GLIS1: variants seen among roughly 807,000 people sequenced by gnomAD.
GLIS1 encodes zinc finger protein GLIS1.
Under a neutral mutation model 63.8 loss-of-function variants are expected in GLIS1, and 24 were observed. The observed-to-expected ratio is 0.38, with a 90% CI of 0.27 to 0.53. The LOEUF (loss-of-function observed/expected upper bound fraction) is 0.53. Ranked by LOEUF, GLIS1 falls within the 20% of genes least tolerant of loss-of-function variation. The pLI is 0.85. For synonymous variants in GLIS1, 450 were observed against 482.5 expected (o/e 0.93, Z 0.88); for missense variants, 1,036 against 1,074.1 (o/e 0.96, Z 0.50).
At chr1:53,653,190 C>T (rs1432757021) in intron 2 of GLIS1, among the ~76,000 whole-genome samples, 1 of 152,212 alleles carries the variant, frequency 6.6e-6, no homozygotes, top group Non-Finnish European at 1.5e-5. Flanking sequence ...GAAAAAGTGG[C>T]TGGGGATATT....
chr1:53,689,764 AC>A (rs1646381742), intron 2 of GLIS1, among the ~76,000 whole-genome samples: 1 of 152,046 alleles, frequency 6.6e-6, no homozygotes, highest in Admixed American at 6.5e-5. Flanking sequence ...GTGATGTGTT[AC>A]CCCCACCAGG....
At chr1:53,699,720 T>C (rs1646503302) in intron 2 of GLIS1, among the ~76,000 whole-genome samples, 1 of 152,170 alleles carries the variant, frequency 6.6e-6, no homozygotes, top group Admixed American at 6.5e-5. Context: ...GATGCCAGCA[T>C]GATTGGTTTC....
intron 2 of GLIS1, among the ~76,000 whole-genome samples, chr1:53,670,770 C>T (rs377504629): frequency 3.2e-4 from 49 of 152,336 alleles, no homozygotes; most frequent in African/African-American, 1.1e-3. Context: ...GCCTAAGGTG[C>T]CTTGTTCATC....
intron 2 of GLIS1, among the ~76,000 whole-genome samples, chr1:53,609,457 G>C (rs1349853973): frequency 6.6e-6 from 1 of 151,770 alleles, no homozygotes. Context: ...TTTTAGTAGA[G>C]ATGGGGTTTT....
intron 2 of GLIS1, among the ~76,000 whole-genome samples, chr1:53,604,200 C>T (rs1645346948): frequency 6.6e-6 from 1 of 152,094 alleles, no homozygotes; most frequent in African/African-American, 2.4e-5. Flanking sequence ...GAGATGGGGA[C>T]CTGTAAGGGA....
rs772867545 is a variant in GLIS1, at chr1:53,646,827, G to A, written c.260-46549C>T. Among the ~76,000 whole-genome samples the A allele has an allele frequency of 9.3e-4, 136 of 145,838 alleles. No homozygotes were observed. The highest frequency in any genetic ancestry group is 1.1e-3 in the Non-Finnish European group (71 of 66,738). ...TCTGTCTCAAAAAAGAAAGAAGAAA[G>A]GAAAGAGAGAGAGAGAGAAAGAGAG... On this transcript the variant is annotated intron_variant, in intron 2 of 10. Coordinates refer to ENST00000628545, the MANE Select transcript of GLIS1 (RefSeq NM_001367484.1). The surrounding 1 kb of genome is among the most constrained non-coding windows in gnomAD (Gnocchi z 4.2).
intron 4 of GLIS1, among the ~76,000 whole-genome samples, chr1:53,550,113 G>T (rs1644743697): frequency 6.6e-6 from 1 of 152,204 alleles, no homozygotes; most frequent in South Asian, 2.1e-4. Flanking sequence ...TGCCAGCCCT[G>T]TATTCAATTT....
chr1:53,556,062 GGT>G (rs1644819528), intron 4 of GLIS1, among the ~76,000 whole-genome samples: 1 of 129,074 alleles, frequency 7.7e-6, no homozygotes, highest in African/African-American at 3.1e-5. Context: ...TGTGTATGCA[GGT>G]ATACTGTAGG....
At chr1:53,568,461 T>G (rs1185188901) in intron 4 of GLIS1, among the ~76,000 whole-genome samples, 3 of 152,204 alleles carry the variant, frequency 2.0e-5, no homozygotes, top group Non-Finnish European at 4.4e-5. Flanking sequence ...TGGAATTAGT[T>G]AAGACTTTGG....
intron 4 of GLIS1, among the ~76,000 whole-genome samples, chr1:53,542,302 G>A (rs1368656480): frequency 2.6e-5 from 4 of 152,248 alleles, no homozygotes; most frequent in African/African-American, 9.6e-5. Flanking sequence ...GCAAATTCCT[G>A]GCTTTTGGGT....
At position 53,529,972 on chromosome 1, in the gene GLIS1, G is replaced by A; in HGVS notation, c.1321-20C>T. 1 of 1,609,096 alleles carries A rather than the reference G, an allele frequency of 6.2e-7. No individual in the cohort carries two copies. The highest frequency in any genetic ancestry group is 1.7e-4 in the Middle Eastern group (1 of 5,956). On this transcript the variant is annotated intron_variant, in intron 4 of 10. Transcript: ENST00000628545. ...TTCAAACTGCAGGAGAGGCTGGTGA[G>A]GGGAACTCCCAGCCCGGTGGGCACC...
At position 53,574,146 on chromosome 1, in the gene GLIS1, T is replaced by C. The variant is rs1645010048; in HGVS notation, c.1320+19962A>G. 1.3e-5 allele frequency among the ~76,000 whole-genome samples: 2 copies of C among 152,182 alleles called. No homozygotes were observed. Among genetic ancestry groups the C allele is most frequent in the African/African-American group, 4.8e-5 (2 of 41,448 alleles). The stretch of plus-strand genomic sequence containing the variant: ...ACCACCCACACCTCTGTGGTCCTGG[T>C]TCCAAGTTCCTTCCAGGGCACTGTC... On this transcript the variant is annotated intron_variant, in intron 4 of 10. Coordinates refer to ENST00000628545, the MANE Select transcript of GLIS1 (RefSeq NM_001367484.1). This position sits in a 1 kb window ranked among gnomAD's most constrained non-coding sequence, Gnocchi z 4.2.
intron 2 of GLIS1, among the ~76,000 whole-genome samples, chr1:53,726,778 C>T (rs1272010719): frequency 6.6e-6 from 1 of 152,210 alleles, no homozygotes; most frequent in Non-Finnish European, 1.5e-5. Flanking sequence ...TCCATCTCTG[C>T]AGCTCAAGCC....
intron 2 of GLIS1, among the ~76,000 whole-genome samples, chr1:53,624,096 T>C (rs1157290692): frequency 2.6e-5 from 4 of 152,170 alleles, no homozygotes; most frequent in Non-Finnish European, 5.9e-5. Context: ...CAAAACAATA[T>C]TGAAAATTAA....
At chr1:53,702,653 G>C (rs898737680) in intron 2 of GLIS1, among the ~76,000 whole-genome samples, 1 of 152,256 alleles carries the variant, frequency 6.6e-6, no homozygotes, top group Non-Finnish European at 1.5e-5. Flanking sequence ...CAGGGCAGGG[G>C]TTACGGCCAC....
At chr1:53,514,988 G>A (rs1489023464) in intron 7 of GLIS1, among the ~76,000 whole-genome samples, 1 of 152,144 alleles carries the variant, frequency 6.6e-6, no homozygotes, top group Admixed American at 6.5e-5. Context: ...CTGGCTAAAG[G>A]GCTGTGTCCA....
intron 10 of GLIS1, among the ~76,000 whole-genome samples, 166 bp from the exon 11 acceptor site, chr1:53,506,942 C>T (rs570452786): frequency 1.6e-4 from 25 of 152,192 alleles, no homozygotes; most frequent in African/African-American, 5.8e-4. Flanking sequence ...GGGAGCTGGC[C>T]GCTGGGGTGG....
intron 4 of GLIS1, among the ~76,000 whole-genome samples, chr1:53,558,689 T>C (rs370511418): frequency 6.6e-6 from 1 of 152,202 alleles, no homozygotes; most frequent in East Asian, 1.9e-4. Flanking sequence ...CACCTGCCCA[T>C]GGCCTGGCCC....
At chr1:53,651,710 T>C (rs1185840009) in intron 2 of GLIS1, among the ~76,000 whole-genome samples, 2 of 152,008 alleles carry the variant, frequency 1.3e-5, no homozygotes, top group African/African-American at 4.8e-5. Flanking sequence ...ACCCTGTCTC[T>C]ACAAAAAATA....
Sources: gnomAD v4.1 joint callset for allele counts (sites outside exome capture counted in the v4.1 genomes callset) on GRCh38, gnomAD v4.1.1 for gene constraint, Gnocchi (gnomAD v3.1) non-coding constraint, MANE v1.5 for transcripts, NCBI Gene and HGNC (gene_info 2026-07-23, HGNC 2026-07-21) for gene names.